The following ABI3BP variants were observed in gnomAD, a reference collection of about 807,000 sequenced individuals.
ABI3BP encodes the protein ABI family member 3 binding protein.
Under a neutral mutation model 268.6 loss-of-function variants are expected in ABI3BP, and 216 were observed. That is an observed-to-expected ratio of 0.80 (90% CI 0.72 to 0.90). The LOEUF (loss-of-function observed/expected upper bound fraction) is 0.90, where lower values mean the gene tolerates loss of function less well. Ranked by LOEUF, ABI3BP falls within the 40% of genes least tolerant of loss-of-function variation. ABI3BP has a pLI of 0.00. For synonymous variants in ABI3BP, 730 were observed against 730.0 expected (o/e 1.00, Z 0.00); for missense variants, 2,090 against 2,182.4 (o/e 0.96, Z 0.84).
intron 1 of ABI3BP, among the ~76,000 whole-genome samples, chr3:100,926,963 G>A (rs536833898): frequency 1.3e-5 from 2 of 152,292 alleles, no homozygotes; most frequent in Admixed American, 6.5e-5. Context: ...TGACATGGTA[G>A]AATAGGGAAT....
rs963751057 is a variant in ABI3BP, at chr3:100,951,458, T to A, written c.80-24977A>T. Among the ~76,000 whole-genome samples the A allele has an allele frequency of 1.4e-4, 22 of 152,046 alleles. 1 individual carries two copies. The highest frequency in any genetic ancestry group is 5.3e-4 in the African/African-American group (22 of 41,290). On this transcript the variant is annotated intron_variant, in intron 1 of 67. Transcript: ENST00000471714. Reference sequence around the variant, plus strand: ...AAGGCTACAATCATAACTTAGCTGCTAACTAGTAAGTAGCTTAGCTGATTC... The same window carrying A: ...AAGGCTACAATCATAACTTAGCTGCAAACTAGTAAGTAGCTTAGCTGATTC...
At chr3:100,774,820 C>A (rs2096655020) in intron 60 of ABI3BP, 147 bp from the exon 61 acceptor site, 3 of 666,102 alleles carry the variant, frequency 4.5e-6, no homozygotes, top group Non-Finnish European at 7.5e-6. Context: ...TATTCATCCA[C>A]AATATAAGGC....
intron 45 of ABI3BP, 58 bp downstream of exon 45, chr3:100,813,603 T>C: frequency 7.8e-7 from 1 of 1,288,394 alleles, no homozygotes; most frequent in Non-Finnish European, 1.1e-6. Context: ...ACTTAGAGAA[T>C]TACAGTATGC....
intron 3 of ABI3BP, among the ~76,000 whole-genome samples, chr3:100,901,761 G>A (rs1183061683): frequency 6.7e-6 from 1 of 148,492 alleles, no homozygotes; most frequent in African/African-American, 2.5e-5. Context: ...GCAAGACTCC[G>A]TCTCAAAGAA....
intron 63 of ABI3BP, among the ~76,000 whole-genome samples, chr3:100,758,918 T>C (rs144408667): frequency 7.5e-4 from 114 of 152,306 alleles, no homozygotes; most frequent in African/African-American, 2.7e-3. Context: ...GAAGAGGTAA[T>C]ATCCTCAAGC....
rs145215020 is a variant in ABI3BP, at chr3:100,796,126, T to C, written c.3818-275A>G. Among the ~76,000 whole-genome samples, 335 of 152,194 alleles carry C rather than the reference T, an allele frequency of 2.2e-3. 4 individuals are homozygous for C. The highest frequency in any genetic ancestry group is 7.5e-3 in the African/African-American group (313 of 41,554). Reference sequence around the variant, plus strand: ...AGTACATCCATAGTTGTAATGTAGCTACATTTACATTTTGAAAGGATATAA... The same window carrying C: ...AGTACATCCATAGTTGTAATGTAGCCACATTTACATTTTGAAAGGATATAA... On this transcript the variant is annotated intron_variant, in intron 52 of 67. Coordinates refer to ENST00000471714, the MANE Select transcript of ABI3BP (RefSeq NM_001375547.2).
intron 1 of ABI3BP, among the ~76,000 whole-genome samples, chr3:100,926,982 G>A (rs1231618118): frequency 6.6e-6 from 1 of 152,172 alleles, no homozygotes; most frequent in Non-Finnish European, 1.5e-5. Context: ...ATGCTGGAAG[G>A]CAGAGAACGG....
At chr3:100,851,401 G>A (rs1473867549) in intron 15 of ABI3BP, among the ~76,000 whole-genome samples, 1 of 152,188 alleles carries the variant, frequency 6.6e-6, no homozygotes. Context: ...GAGGCTGCCT[G>A]TGTACTGCAG....
At chr3:100,973,690 A>G (rs1398787053) in intron 1 of ABI3BP, among the ~76,000 whole-genome samples, 1 of 152,174 alleles carries the variant, frequency 6.6e-6, no homozygotes, top group African/African-American at 2.4e-5. Context: ...ACTGTCTTTC[A>G]AAGTGTTTAA....
intron 1 of ABI3BP, among the ~76,000 whole-genome samples, chr3:100,942,413 T>C (rs576421845): frequency 1.3e-5 from 2 of 152,132 alleles, no homozygotes; most frequent in South Asian, 2.1e-4. Flanking sequence ...AGGAGAAAAA[T>C]ACAAGGTGTC....
At chr3:100,750,754 T>A (rs771076681) in intron 67 of ABI3BP, 144 bp from the exon 68 acceptor site, 146 of 612,712 alleles carry the variant, frequency 2.4e-4, no homozygotes, top group Non-Finnish European at 3.7e-4. Flanking sequence ...CAAGAAGTTC[T>A]GGTGTTTTTT....
At chr3:100,938,998 C>T (rs955593589) in intron 1 of ABI3BP, among the ~76,000 whole-genome samples, 1 of 152,052 alleles carries the variant, frequency 6.6e-6, no homozygotes, top group Non-Finnish European at 1.5e-5. Context: ...TAATTGGAAT[C>T]ACAGAATAAT....
At chr3:100,791,465 T>A (rs1246776102) in intron 55 of ABI3BP, among the ~76,000 whole-genome samples, 1 of 151,866 alleles carries the variant, frequency 6.6e-6, no homozygotes. Flanking sequence ...ACAGATTGAT[T>A]ATGAGAATCC....
intron 63 of ABI3BP, among the ~76,000 whole-genome samples, chr3:100,762,055 T>G (rs1366306493): frequency 6.6e-6 from 1 of 152,216 alleles, no homozygotes; most frequent in Admixed American, 6.5e-5. Context: ...CCATACACTT[T>G]GATTCCAAAT....
chr3:100,768,058 C>T (rs1305774346), intron 62 of ABI3BP, among the ~76,000 whole-genome samples: 1 of 145,306 alleles, frequency 6.9e-6, no homozygotes, highest in Non-Finnish European at 1.5e-5. Context: ...TATTGCATGT[C>T]TTCTCTGATT....
Position 100,775,521 on chromosome 3 carries a change from A to T in ABI3BP, c.4334-186T>A, listed in dbSNP as rs186979928. ...ATGTATGAGCCAAGTATATCAGAGCATTATTATAGACATTGTGAAAAAGTA... is the reference window on the plus strand; with the variant it reads ...ATGTATGAGCCAAGTATATCAGAGCTTTATTATAGACATTGTGAAAAAGTA... On this transcript the variant is annotated intron_variant, in intron 59 of 67. Coordinates refer to ENST00000471714, the MANE Select transcript of ABI3BP (RefSeq NM_001375547.2). 4.3e-3 allele frequency among the ~76,000 whole-genome samples: 661 copies of T among 152,320 alleles called. 8 individuals are homozygous for T. Among genetic ancestry groups the T allele is most frequent in the African/African-American group, 0.015 (628 of 41,572 alleles).
At chr3:100,842,388 A>G (rs1400740049) in intron 20 of ABI3BP, among the ~76,000 whole-genome samples, 1 of 152,312 alleles carries the variant, frequency 6.6e-6, no homozygotes, top group East Asian at 1.9e-4. Flanking sequence ...AGGTTCATCC[A>G]AGGAAATGGA....
chr3:100,776,671 G>A lies in ABI3BP; in HGVS notation c.4334-1336C>T, dbSNP rs1336805921. Among the ~76,000 whole-genome samples the A allele has an allele frequency of 2.0e-5, 3 of 152,188 alleles. No individual in the cohort carries two copies. The East Asian group carries it at 5.8e-4, about 29-fold the overall frequency. On this transcript the variant is annotated intron_variant, in intron 59 of 67. Transcript: ENST00000471714. ...CTCAATTATGGTTTGGCTCCTCAGT[G>A]CAGCCATTTCCCTTGAGTTAGAGGT...
chr3:100,893,756 G>C (rs1231648612), intron 4 of ABI3BP, among the ~76,000 whole-genome samples: 2 of 152,198 alleles, frequency 1.3e-5, no homozygotes, highest in African/African-American at 4.8e-5. Flanking sequence ...TTTTCAGGGA[G>C]AGAAACTTTG....
Sources: gnomAD v4.1 joint callset for allele counts (sites outside exome capture counted in the v4.1 genomes callset) on GRCh38, gnomAD v4.1.1 for gene constraint, MANE v1.5 for transcripts, NCBI Gene and HGNC (gene_info 2026-07-23, HGNC 2026-07-21) for gene names.